The following CYFIP1 variants were observed in gnomAD, a reference collection of about 807,000 sequenced individuals.
The protein encoded by CYFIP1 is cytoplasmic FMR1-interacting protein 1.
A neutral mutation model predicts 163.5 loss-of-function variants in CYFIP1; 58 were observed. The ratio of observed to expected loss-of-function variants is 0.35; its 90% CI spans 0.29 to 0.44. CYFIP1 has a LOEUF of 0.44. Ranked by LOEUF, CYFIP1 falls within the 20% of genes least tolerant of loss-of-function variation. CYFIP1 has a pLI of 1.00. For synonymous variants in CYFIP1, 663 were observed against 660.7 expected (o/e 1.00, Z -0.05); for missense variants, 1,338 against 1,653.8 (o/e 0.81, Z 3.31).
At chr15:22,918,924 A>C in intron 13 of CYFIP1, 66 bp from the exon 14 acceptor site, 2 of 1,324,258 alleles carry the variant, frequency 1.5e-6, no homozygotes, top group South Asian at 2.8e-5. Context: ...TCTGCCTGGC[A>C]CATGCCGGGG....
chr15:22,879,435 G>A lies in CYFIP1; in HGVS notation c.3042+478C>T, dbSNP rs560290568. ...CCTAAGAGGGGGTGGGCTCCCGGGG[G>A]CTCCCCTTTCATGCTGGCCACTCGT... On this transcript the variant is annotated intron_variant, in intron 26 of 30. Coordinates refer to ENST00000617928, the MANE Select transcript of CYFIP1 (RefSeq NM_014608.6). 3.9e-5 allele frequency among the ~76,000 whole-genome samples: 6 copies of A among 152,274 alleles called. No individual in the cohort carries two copies. In the South Asian group the frequency reaches 1.2e-3, roughly 32 times the overall value.
intron 8 of CYFIP1, among the ~76,000 whole-genome samples, chr15:22,938,766 G>A (rs2061796990): frequency 6.6e-6 from 1 of 151,680 alleles, no homozygotes; most frequent in Admixed American, 6.6e-5. Context: ...AGCGAGGCAT[G>A]GTGGCGTGCA....
chr15:22,937,280 C>T lies in CYFIP1; in HGVS notation c.796-72G>A. ...ATTTCACTACCCATAAGGACTTACA[C>T]TGTTACAGCTGATGACTTTGAAGGC... On this transcript the variant is annotated intron_variant, in intron 8 of 30. Transcript: ENST00000617928. The T allele has an allele frequency of 3.5e-6, 3 of 854,578 alleles. No homozygotes were observed. In the South Asian group the frequency reaches 4.4e-5, roughly 12 times the overall value. 52.9% of individuals were successfully genotyped at this position (854,578 alleles called of 1,614,324 possible).
At chr15:22,870,595 T>G (rs1473773777) in intron 30 of CYFIP1, among the ~76,000 whole-genome samples, 1 of 152,216 alleles carries the variant, frequency 6.6e-6, no homozygotes, top group Non-Finnish European at 1.5e-5. Context: ...ATTACAGGTA[T>G]GAGCCAGCAC....
intron 1 of CYFIP1, among the ~76,000 whole-genome samples, chr15:22,950,995 AT>A (rs1480852045): frequency 1.3e-5 from 2 of 152,206 alleles, no homozygotes; most frequent in Non-Finnish European, 2.9e-5. Flanking sequence ...TAATTTACCA[AT>A]TAAAGTTCGT....
chr15:22,872,930 G>A lies in CYFIP1; in HGVS notation c.3492C>T (p.Ile1164=), dbSNP rs773675393. 2.5e-6 allele frequency: 4 copies of A among 1,614,122 alleles called. No homozygotes were observed. The highest frequency in any genetic ancestry group is 3.4e-6 in the Non-Finnish European group (4 of 1,180,002). ...GCCGCTGCTGCCCAAGAAGTACGATGATCATACAGCCAGCCCAGTGTAGCC... is the reference window on the plus strand; with the variant it reads ...GCCGCTGCTGCCCAAGAAGTACGATAATCATACAGCCAGCCCAGTGTAGCC... The part of the protein sequence containing the change: ...GDGLHWAGCM[I]IVLLGQQRRF... Residue 1164 remains isoleucine, a synonymous_variant, in exon 30 of 31, where the codon ATC becomes ATT. Transcript: ENST00000617928.
In CYFIP1 at chr15:22,875,212, T is replaced by C. The variant is rs777390941; in HGVS notation, c.3102A>G (p.Arg1034=). 1.1e-5 allele frequency: 18 copies of C among 1,613,944 alleles called. No homozygotes were observed. The highest frequency in any genetic ancestry group is 3.3e-4 in the Middle Eastern group (2 of 6,062). ...HAAPFQNILP[R]VHVKEGERLD... ...CAGCAGGCTCACCTTTCACATGGAC[T>C]CGCGGCAAGATGTTCTGGAAAGGAG... The change falls in exon 27 of 31, where the codon CGA becomes CGG. Residue 1034 remains arginine (R), a synonymous_variant. Transcript: ENST00000617928.
At chr15:22,963,494 AATAAC>A (rs56889524) in intron 1 of CYFIP1, among the ~76,000 whole-genome samples, 31,093 of 137,816 alleles carry the variant, frequency 0.23, 3,550 homozygotes, top group Non-Finnish European at 0.23. Context: ...CTGTTTCAAA[AATAAC>A]ATAACATAAC....
chr15:22,936,365 G>C (rs184299002), intron 9 of CYFIP1, among the ~76,000 whole-genome samples: 2 of 152,196 alleles, frequency 1.3e-5, no homozygotes. Context: ...GGCACATCAC[G>C]AAGGGAACAC....
intron 8 of CYFIP1, among the ~76,000 whole-genome samples, chr15:22,937,516 T>G (rs901035111): frequency 3.3e-5 from 5 of 151,306 alleles, no homozygotes; most frequent in South Asian, 2.1e-4. Flanking sequence ...AGTAATTGCG[T>G]TTTTTTTGCC....
intron 13 of CYFIP1, among the ~76,000 whole-genome samples, chr15:22,920,190 G>C (rs540152102): frequency 8.5e-6 from 1 of 118,230 alleles, no homozygotes; most frequent in Admixed American, 9.0e-5. Context: ...TTTGAGACAG[G>C]GTCTCACTCT....
intron 8 of CYFIP1, 112 bp downstream of exon 8, chr15:22,939,080 A>G: frequency 8.2e-7 from 1 of 1,220,936 alleles, no homozygotes; most frequent in Non-Finnish European, 1.2e-6. Context: ...CACACATGAC[A>G]GCATGCAAAT....
intron 1 of CYFIP1, among the ~76,000 whole-genome samples, chr15:22,973,769 A>C (rs1384517632): frequency 1.3e-5 from 2 of 152,252 alleles, no homozygotes; most frequent in Non-Finnish European, 2.9e-5. Flanking sequence ...ACAAAGTGAC[A>C]ATCTACAGAA....
chr15:22,883,881 T>TG (rs2059856120), intron 23 of CYFIP1, among the ~76,000 whole-genome samples: 1 of 147,956 alleles, frequency 6.8e-6, no homozygotes, highest in African/African-American at 2.5e-5. Context: ...TGGGGAGGCC[T>TG]CAGAAAACTT....
chr15:22,930,837 G>A (rs1279704095), intron 11 of CYFIP1, among the ~76,000 whole-genome samples: 1 of 152,114 alleles, frequency 6.6e-6, no homozygotes, highest in Non-Finnish European at 1.5e-5. Flanking sequence ...AGGCTAATTC[G>A]TTATTAAAGA....
In CYFIP1 at chr15:22,868,839, G is replaced by C. The variant is rs1211539479; in HGVS notation, c.*1189C>G. The stretch of plus-strand genomic sequence containing the variant: ...TCCAAATAATGTAAAATGACTGCCA[G>C]GCTACAATATAAAGTGAGTTCAGTT... On this transcript the variant is annotated 3_prime_UTR_variant, in exon 31 of 31. Transcript: ENST00000617928. 1.3e-5 allele frequency: 2 copies of C among 152,132 alleles called. No homozygotes were observed. The highest frequency in any genetic ancestry group is 2.9e-5 in the Non-Finnish European group (2 of 68,016). 9.4% of individuals were successfully genotyped at this position (152,132 alleles called of 1,614,324 possible).
chr15:22,871,377 T>C (rs4778441), intron 30 of CYFIP1, among the ~76,000 whole-genome samples: 109,657 of 152,164 alleles, frequency 0.72, 40,115 homozygotes, highest in Admixed American at 0.78. Flanking sequence ...AAGAACCTAA[T>C]TGAACTTTAA....
At chr15:22,900,358 G>A (rs981464601) in intron 22 of CYFIP1, among the ~76,000 whole-genome samples, 6 of 151,490 alleles carry the variant, frequency 4.0e-5, no homozygotes, top group African/African-American at 1.2e-4. Flanking sequence ...CTTGATTCCA[G>A]ACTTCTGGAC....
chr15:22,917,653 CACAGGCGCCACTTTCTCTGCCTGA>C lies in CYFIP1; in HGVS notation c.1674+111_1674+134del. ...TGGGAAACAGAGGAGCAGCAGAAAC[CACAGGCGCCACTTTCTCTGCCTGA>C]GCAGGCAGCGAGGACCTCATTTAAC... On this transcript the variant is annotated intron_variant, in intron 15 of 30. Coordinates refer to ENST00000617928, the MANE Select transcript of CYFIP1 (RefSeq NM_014608.6). This position sits in a 1 kb window ranked among gnomAD's most constrained non-coding sequence, Gnocchi z 4.2. The C allele has an allele frequency of 9.0e-7, 1 of 1,113,036 alleles. No homozygotes were observed. Among genetic ancestry groups the C allele is most frequent in the African/African-American group, 1.6e-5 (1 of 61,876 alleles). The allele number at this position is 1,113,036 out of a possible 1,614,324, so 68.9% of individuals were successfully genotyped here. A position where few individuals can be genotyped will look rare whatever the true frequency, so the allele number is the denominator to read the frequency against.
Sources: gnomAD v4.1 joint callset for allele counts (sites outside exome capture counted in the v4.1 genomes callset) on GRCh38, gnomAD v4.1.1 for gene constraint, Gnocchi (gnomAD v3.1) non-coding constraint, MANE v1.5 for transcripts, NCBI Gene and HGNC (gene_info 2026-07-23, HGNC 2026-07-21) for gene names.